Variants in UNC5C observed in about 807,000 individuals in gnomAD.
UNC5C encodes the protein unc-5 netrin receptor C, also known as netrin receptor UNC5C.
In UNC5C, 47 loss-of-function variants were observed where a neutral mutation model predicts 99.8. The observed-to-expected ratio is 0.47, with a 90% confidence interval of 0.37 to 0.60. UNC5C has a LOEUF of 0.60. UNC5C is among the 20% of genes least tolerant of loss of function. The pLI is 0.00. For synonymous variants in UNC5C, 487 were observed against 452.2 expected (o/e 1.08, Z -0.98); for missense variants, 1,062 against 1,165.9 (o/e 0.91, Z 1.30).
intron 1 of UNC5C, among the ~76,000 whole-genome samples, chr4:95,497,759 TAAG>T (rs1721667892): frequency 6.6e-6 from 1 of 152,028 alleles, no homozygotes; most frequent in South Asian, 2.1e-4. Flanking sequence ...TAGAGAAAGT[TAAG>T]AAACTGTAGC....
intron 1 of UNC5C, among the ~76,000 whole-genome samples, chr4:95,424,714 C>G (rs533495459): frequency 1.7e-3 from 254 of 151,270 alleles, no homozygotes; most frequent in Non-Finnish European, 2.8e-3. Context: ...TAGTAGAGAC[C>G]AGGTTTCACT....
At chr4:95,198,149 C>G (rs1402077434) in intron 12 of UNC5C, among the ~76,000 whole-genome samples, 1 of 151,996 alleles carries the variant, frequency 6.6e-6, no homozygotes, top group Non-Finnish European at 1.5e-5. Flanking sequence ...CCACCACGCC[C>G]AGCTAATTTT....
At chr4:95,507,473 G>T (rs35826499) in intron 1 of UNC5C, among the ~76,000 whole-genome samples, 9 of 151,778 alleles carry the variant, frequency 5.9e-5, no homozygotes, top group African/African-American at 1.9e-4. Context: ...AAGGATATTT[G>T]TCTACATGGC....
chr4:95,468,128 GT>G (rs36112534), intron 1 of UNC5C, among the ~76,000 whole-genome samples: 87,183 of 140,434 alleles, frequency 0.62, 26,913 homozygotes, highest in African/African-American at 0.73. Flanking sequence ...TGTTTTTTGG[GT>G]TTTTTTTTTT....
intron 1 of UNC5C, among the ~76,000 whole-genome samples, chr4:95,363,381 G>C (rs918083409): frequency 6.6e-6 from 1 of 152,130 alleles, no homozygotes; most frequent in African/African-American, 2.4e-5. Context: ...GAGATTCATT[G>C]AACATCAGAT....
chr4:95,202,830 C>T lies in UNC5C; in HGVS notation c.2037G>A (p.Ala679=), dbSNP rs3733212. 0.67 allele frequency: 1,076,169 copies of T among 1,613,976 alleles called. 364,646 individuals carry two copies. The highest frequency in any genetic ancestry group is 0.76 in the Middle Eastern group (4,628 of 6,060). Residue 679 remains alanine (A), a synonymous_variant, in exon 12 of 16, where the codon GCG becomes GCA. Coordinates refer to ENST00000453304, the MANE Select transcript of UNC5C (RefSeq NM_003728.4). ...LVGHSTTKAA[A]KRLKLAIFGP... Reference sequence around the variant, plus strand: ...CAAAGATGGCCAGCTTGAGGCGCTTCGCAGCCGCTTTGGTGGTGGAATGTC... The same window carrying T: ...CAAAGATGGCCAGCTTGAGGCGCTTTGCAGCCGCTTTGGTGGTGGAATGTC...
chr4:95,395,517 C>T (rs1170460225), intron 1 of UNC5C, among the ~76,000 whole-genome samples: 1 of 152,130 alleles, frequency 6.6e-6, no homozygotes, highest in African/African-American at 2.4e-5. Context: ...AAGGGTATAG[C>T]TGCCTGAGAG....
intron 14 of UNC5C, among the ~76,000 whole-genome samples, chr4:95,177,589 A>G (rs1006136543): frequency 1.3e-5 from 2 of 152,208 alleles, no homozygotes; most frequent in African/African-American, 4.8e-5. Context: ...AACAGGGTCA[A>G]TCCAGGGGTG....
At chr4:95,267,991 C>T (rs1335032111) in intron 4 of UNC5C, among the ~76,000 whole-genome samples, 2 of 133,756 alleles carry the variant, frequency 1.5e-5, no homozygotes, top group African/African-American at 6.3e-5. Flanking sequence ...GCTCTGTAAC[C>T]CAGGCTGGAG....
At chr4:95,472,183 T>C (rs527613298) in intron 1 of UNC5C, among the ~76,000 whole-genome samples, 1 of 152,298 alleles carries the variant, frequency 6.6e-6, no homozygotes, top group African/African-American at 2.4e-5. Flanking sequence ...TGTATTAATC[T>C]GTATTATTTT....
Position 95,224,949 on chromosome 4 carries a change from C to T in UNC5C, c.1109-4773G>A, listed in dbSNP as rs116140674. 7.9e-3 allele frequency among the ~76,000 whole-genome samples: 1,189 copies of T among 149,730 alleles called. 12 individuals carry two copies. Among genetic ancestry groups the T allele is most frequent in the African/African-American group, 0.028 (1,120 of 40,702 alleles). On this transcript the variant is annotated intron_variant, in intron 7 of 15. Transcript: ENST00000453304. The stretch of plus-strand genomic sequence containing the variant: ...CAGGAGGCAAGTGCTTGATGAGAAA[C>T]GACAATAAATACGAAAGTCCTGACA...
At chr4:95,527,515 C>T (rs529171131) in intron 1 of UNC5C, among the ~76,000 whole-genome samples, 3 of 152,080 alleles carry the variant, frequency 2.0e-5, no homozygotes, top group East Asian at 1.9e-4. Flanking sequence ...TCTCAGCCTC[C>T]GTCTTTCCTC....
At chr4:95,521,592 C>T (rs970273728) in intron 1 of UNC5C, among the ~76,000 whole-genome samples, 3 of 152,048 alleles carry the variant, frequency 2.0e-5, no homozygotes, top group African/African-American at 7.2e-5. Context: ...GTCCTAATTA[C>T]CTCTCAAAGA....
intron 1 of UNC5C, among the ~76,000 whole-genome samples, chr4:95,543,203 G>T (rs1425727394): frequency 6.6e-6 from 1 of 151,980 alleles, no homozygotes; most frequent in Non-Finnish European, 1.5e-5. Flanking sequence ...AAGAAATCAG[G>T]TTAAAAAAGA....
chr4:95,402,740 C>A (rs1745734673), intron 1 of UNC5C, among the ~76,000 whole-genome samples: 1 of 152,186 alleles, frequency 6.6e-6, no homozygotes, highest in African/African-American at 2.4e-5. Flanking sequence ...ACACTTTAGC[C>A]CATGCCATTT....
At position 95,242,571 on chromosome 4, in the gene UNC5C, C is replaced by T; in HGVS notation, c.966G>A (p.Trp322Ter). 6.3e-7 allele frequency: 1 copy of T among 1,592,084 alleles called. No individual in the cohort carries two copies. The highest frequency in any genetic ancestry group is 8.6e-7 in the Non-Finnish European group (1 of 1,168,122). The change falls in exon 7 of 16, where the codon TGG (tryptophan) becomes TGA (stop). Residue 322 changes from tryptophan (W) to a stop codon, truncating the protein, a stop_gained. Coordinates refer to ENST00000453304, the MANE Select transcript of UNC5C (RefSeq NM_003728.4). LOFTEE classifies it high-confidence loss of function. ...LCPVDGRWTP[W>*]SKWSTCGTEC... The stretch of plus-strand genomic sequence containing the variant: ...CAGTTCCACAAGTAGACCACTTGCT[C>T]CATGGCGTCCACCTGCCATCCACTG...
chr4:95,521,027 C>T (rs2149490271), intron 1 of UNC5C, among the ~76,000 whole-genome samples: 1 of 152,096 alleles, frequency 6.6e-6, no homozygotes, highest in African/African-American at 2.4e-5. Flanking sequence ...GCTGCTATAA[C>T]AAATGAGCAT....
intron 1 of UNC5C, among the ~76,000 whole-genome samples, chr4:95,401,300 T>C (rs901025716): frequency 1.3e-5 from 2 of 152,052 alleles, no homozygotes; most frequent in African/African-American, 4.8e-5. Flanking sequence ...TTATTATTTT[T>C]ATTTTTTTAT....
At chr4:95,176,947 T>TGCCGTTGTGC (rs1259494143) in intron 14 of UNC5C, among the ~76,000 whole-genome samples, 1 of 151,986 alleles carries the variant, frequency 6.6e-6, no homozygotes, top group Non-Finnish European at 1.5e-5. Context: ...TCTCCTGGTG[T>TGCCGTTGTGC]GCCGTTTTTT....
Sources: gnomAD v4.1 joint callset for allele counts (sites outside exome capture counted in the v4.1 genomes callset) on GRCh38, gnomAD v4.1.1 for gene constraint, MANE v1.5 for transcripts, NCBI Gene and HGNC (gene_info 2026-07-23, HGNC 2026-07-21) for gene names.